The following DOCK5 variants were observed in gnomAD, a reference collection of about 807,000 sequenced individuals.
DOCK5 encodes dedicator of cytokinesis 5, also known as dedicator of cytokinesis protein 5.
A neutral mutation model predicts 251.8 loss-of-function variants in DOCK5; 142 were observed. The observed-to-expected ratio is 0.56, with a 90% CI of 0.49 to 0.65. The LOEUF is 0.65. Among genes scored for constraint, DOCK5 ranks in the 30% least tolerant of loss-of-function variants. The probability of loss-of-function intolerance (pLI) is 0.00; values close to 1 mark genes in which losing one functional copy is unlikely to be tolerated. For missense variants in DOCK5, 2,111 were observed against 2,312.3 expected, an observed-to-expected ratio of 0.91 and a Z score of 1.79; for synonymous variants, 842 against 835.5, an observed-to-expected ratio of 1.01 and a Z score of -0.13.
At chr8:25,316,015 C>CA (rs752985302) in intron 13 of DOCK5, among the ~76,000 whole-genome samples, 8 of 152,238 alleles carry the variant, frequency 5.3e-5, no homozygotes, top group Non-Finnish European at 1.0e-4. Flanking sequence ...ATATACTTCA[C>CA]ATTTATTCCA....
intron 27 of DOCK5, among the ~76,000 whole-genome samples, chr8:25,356,393 C>T (rs948075492): frequency 5.9e-5 from 9 of 151,530 alleles, no homozygotes; most frequent in East Asian, 2.0e-4. Flanking sequence ...GGGCTGGGTG[C>T]GGTGGCTCAT....
chr8:25,292,232 CTAA>C (rs1804511209), intron 6 of DOCK5, 60 bp downstream of exon 6: 2 of 1,460,948 alleles, frequency 1.4e-6, no homozygotes, highest in African/African-American at 1.4e-5. Context: ...CATGTTCACG[CTAA>C]TGACACTGTT....
At chr8:25,268,150 C>G (rs186521632) in intron 2 of DOCK5, among the ~76,000 whole-genome samples, 1 of 151,968 alleles carries the variant, frequency 6.6e-6, no homozygotes. Context: ...CGTGAGCCAC[C>G]GTGCCCGGCT....
At chr8:25,372,824 A>G in intron 35 of DOCK5, 106 bp downstream of exon 35, 1 of 1,119,846 alleles carries the variant, frequency 8.9e-7, no homozygotes, top group Non-Finnish European at 1.2e-6. Flanking sequence ...GCCCTGAGGC[A>G]CCTTTGTGGA....
chr8:25,314,433 T>C (rs1391983681), intron 13 of DOCK5, among the ~76,000 whole-genome samples: 1 of 152,068 alleles, frequency 6.6e-6, no homozygotes, highest in Non-Finnish European at 1.5e-5. Flanking sequence ...CTTGCTTTAA[T>C]TGGCTAATTC....
At chr8:25,387,827 A>G (rs1316169523) in intron 40 of DOCK5, among the ~76,000 whole-genome samples, 2 of 152,108 alleles carry the variant, frequency 1.3e-5, no homozygotes, top group Non-Finnish European at 1.5e-5. Flanking sequence ...ATGCCCATCT[A>G]AGGCCCATGT....
intron 15 of DOCK5, among the ~76,000 whole-genome samples, chr8:25,320,208 T>C (rs1486926965): frequency 6.6e-6 from 1 of 152,196 alleles, no homozygotes; most frequent in African/African-American, 2.4e-5. Context: ...GGGCCCAAAC[T>C]AGAGTCCACT....
At chr8:25,223,899 A>C (rs762366203) in intron 1 of DOCK5, among the ~76,000 whole-genome samples, 1 of 152,194 alleles carries the variant, frequency 6.6e-6, no homozygotes, top group Non-Finnish European at 1.5e-5. Flanking sequence ...TCATCATAAC[A>C]GACAGTTTCC....
intron 26 of DOCK5, among the ~76,000 whole-genome samples, chr8:25,351,145 C>T (rs1052205555): frequency 6.6e-6 from 1 of 152,246 alleles, no homozygotes; most frequent in East Asian, 1.9e-4. Context: ...GCAAGCTCCA[C>T]CTCCTGGGTT....
At chr8:25,291,714 G>C (rs1230035171) in intron 5 of DOCK5, among the ~76,000 whole-genome samples, 8 of 149,600 alleles carry the variant, frequency 5.3e-5, no homozygotes, top group African/African-American at 1.7e-4. Context: ...CAGGCCAGGC[G>C]TGGTGGCTCA....
intron 8 of DOCK5, 41 bp from the exon 9 acceptor site, chr8:25,300,534 AG>A: frequency 1.9e-6 from 3 of 1,551,040 alleles, no homozygotes; most frequent in Non-Finnish European, 2.6e-6. Context: ...CTCCAACCCC[AG>A]TTAGCCTCTC....
chr8:25,351,536 A>G (rs1800468438), intron 26 of DOCK5, 195 bp from the exon 27 acceptor site: 1 of 554,614 alleles, frequency 1.8e-6, no homozygotes, highest in Non-Finnish European at 3.2e-6. Flanking sequence ...AAGTGTTATG[A>G]CTGATCATTT....
At chr8:25,268,561 G>A (rs1241765836) in intron 2 of DOCK5, among the ~76,000 whole-genome samples, 1 of 151,764 alleles carries the variant, frequency 6.6e-6, no homozygotes, top group East Asian at 1.9e-4. Context: ...TGTCTTGTTG[G>A]TTTTTTTTGC....
chr8:25,285,662 G>A (rs1804313562), intron 5 of DOCK5, among the ~76,000 whole-genome samples: 1 of 152,160 alleles, frequency 6.6e-6, no homozygotes, highest in Non-Finnish European at 1.5e-5. Context: ...GCAGTTTAAA[G>A]CTGCTGGATT....
intron 29 of DOCK5, among the ~76,000 whole-genome samples, chr8:25,363,474 G>C (rs1800723886): frequency 6.6e-6 from 1 of 152,194 alleles, no homozygotes; most frequent in Non-Finnish European, 1.5e-5. Context: ...GTTAGTGTCT[G>C]TTCTATGACC....
chr8:25,221,374 T>G (rs1186016629), intron 1 of DOCK5, among the ~76,000 whole-genome samples: 1 of 152,210 alleles, frequency 6.6e-6, no homozygotes, highest in Non-Finnish European at 1.5e-5. Context: ...AGTGGCACAG[T>G]CTGGGCTCAC....
chr8:25,293,605 C>G (rs1804546942), intron 6 of DOCK5, among the ~76,000 whole-genome samples: 1 of 152,190 alleles, frequency 6.6e-6, no homozygotes, highest in South Asian at 2.1e-4. Flanking sequence ...ATGCTGCCTT[C>G]TTAGGGTTAA....
chr8:25,348,445 G>C (rs1239387166), intron 26 of DOCK5, among the ~76,000 whole-genome samples: 3 of 152,202 alleles, frequency 2.0e-5, no homozygotes, highest in Non-Finnish European at 4.4e-5. Flanking sequence ...TTATGCTCCA[G>C]GCACTGGGAT....
chr8:25,337,472 C>G (rs896374179), intron 22 of DOCK5, among the ~76,000 whole-genome samples: 9 of 138,482 alleles, frequency 6.5e-5, no homozygotes, highest in African/African-American at 2.4e-4. Flanking sequence ...AGAAATTTAT[C>G]TAATGGAAAA....
Sources: allele counts gnomAD v4.1 joint callset (sites outside exome capture counted in the v4.1 genomes callset), GRCh38; gene constraint gnomAD v4.1.1; transcripts MANE v1.5; gene names NCBI Gene and HGNC (gene_info 2026-07-23, HGNC 2026-07-21).